PTPRK: variants seen among roughly 807,000 people sequenced by gnomAD.
The protein encoded by PTPRK is protein tyrosine phosphatase receptor type K, also known as receptor-type tyrosine-protein phosphatase kappa.
In PTPRK, 75 loss-of-function variants were observed where a neutral mutation model predicts 178.0. The ratio of observed to expected loss-of-function variants is 0.42; its 90% CI spans 0.35 to 0.51. The LOEUF (loss-of-function observed/expected upper bound fraction) is 0.51. Ranked by LOEUF, PTPRK falls within the 20% of genes least tolerant of loss-of-function variation. PTPRK has a pLI of 0.02. For missense variants in PTPRK, 1,441 were observed against 1,797.8 expected (o/e 0.80, Z 3.59); for synonymous variants, 637 against 620.6 (o/e 1.03, Z -0.39).
intron 1 of PTPRK, among the ~76,000 whole-genome samples, chr6:128,419,717 G>A (rs1483899441): frequency 1.3e-5 from 2 of 152,222 alleles, no homozygotes; most frequent in Non-Finnish European, 2.9e-5. Context: ...TAATCTTGCT[G>A]TTCTGGGAAC....
intron 2 of PTPRK, among the ~76,000 whole-genome samples, chr6:128,327,747 A>G (rs1435934979): frequency 6.6e-6 from 1 of 152,236 alleles, no homozygotes; most frequent in African/African-American, 2.4e-5. Context: ...ATGTAATATA[A>G]AGAATTACTA....
rs776953777 is a variant in PTPRK, at chr6:128,519,149, G to A, written c.100+1110C>T. On this transcript the variant is annotated intron_variant, in intron 1 of 29. Coordinates refer to ENST00000368226, the MANE Select transcript of PTPRK (RefSeq NM_002844.4). The surrounding 1 kb of genome is among the most constrained non-coding windows in gnomAD (Gnocchi z 4.3). Reference sequence around the variant, plus strand: ...CTCGCCAGCCAAGCGAAGCTGGGTAGGTTGGCCAGAAAAGTTGTCAGGACT... The same window carrying A: ...CTCGCCAGCCAAGCGAAGCTGGGTAAGTTGGCCAGAAAAGTTGTCAGGACT... The A allele has an allele frequency of 2.0e-6, 1 of 497,774 alleles. No individual in the cohort carries two copies. Among genetic ancestry groups the A allele is most frequent in the Non-Finnish European group, 4.1e-6 (1 of 241,850 alleles). The allele number at this position is 497,774 out of a possible 1,614,324, so 30.8% of individuals were successfully genotyped here. A position where few individuals can be genotyped will look rare whatever the true frequency, so the allele number is the denominator to read the frequency against.
At chr6:128,116,982 T>C (rs549441500) in intron 7 of PTPRK, among the ~76,000 whole-genome samples, 196 of 151,986 alleles carry the variant, frequency 1.3e-3, no homozygotes, top group African/African-American at 4.0e-3. Flanking sequence ...CTGTCTCTAC[T>C]AAAAATACAA....
chr6:128,040,938 C>T (rs528965007), intron 13 of PTPRK, among the ~76,000 whole-genome samples: 4 of 152,172 alleles, frequency 2.6e-5, no homozygotes, highest in South Asian at 2.1e-4. Context: ...GTGTCAAAAA[C>T]AGGAGGTGGC....
At chr6:128,488,628 T>C (rs1853315906) in intron 1 of PTPRK, among the ~76,000 whole-genome samples, 1 of 152,214 alleles carries the variant, frequency 6.6e-6, no homozygotes, top group Admixed American at 6.5e-5. Context: ...TCTTGTTGAA[T>C]ATGCTGGATA....
In PTPRK at chr6:128,234,705, A is replaced by G. The variant is rs73590686; in HGVS notation, c.693+5330T>C. Among the ~76,000 whole-genome samples, 249 of 152,230 alleles carry G rather than the reference A, an allele frequency of 1.6e-3. 1 individual carries two copies. The highest frequency in any genetic ancestry group is 6.8e-3 in the Middle Eastern group (2 of 292). On this transcript the variant is annotated intron_variant, in intron 5 of 29. Coordinates refer to ENST00000368226, the MANE Select transcript of PTPRK (RefSeq NM_002844.4). Reference sequence around the variant, plus strand: ...ATTCCATTGTTTGAATGAGCCACAAATTGTCTATCTATTATCCTGTTCATG... The same window carrying G: ...ATTCCATTGTTTGAATGAGCCACAAGTTGTCTATCTATTATCCTGTTCATG...
intron 13 of PTPRK, among the ~76,000 whole-genome samples, chr6:128,051,282 T>A (rs1378471095): frequency 6.6e-6 from 1 of 152,218 alleles, no homozygotes; most frequent in African/African-American, 2.4e-5. Context: ...TGCTTAATAA[T>A]TCTTTCCTAA....
intron 6 of PTPRK, among the ~76,000 whole-genome samples, chr6:128,195,420 A>C (rs900130963): frequency 3.3e-5 from 5 of 152,082 alleles, no homozygotes; most frequent in Non-Finnish European, 7.4e-5. Context: ...GACCTGCAAT[A>C]AATCAGGAGA....
chr6:128,518,639 C>T (rs1378826837), intron 1 of PTPRK, among the ~76,000 whole-genome samples: 6 of 152,226 alleles, frequency 3.9e-5, no homozygotes. Flanking sequence ...TAATGAGTTA[C>T]ATCAAGCACG....
intron 2 of PTPRK, among the ~76,000 whole-genome samples, chr6:128,324,074 C>T (rs1258761104): frequency 6.6e-6 from 1 of 152,076 alleles, no homozygotes; most frequent in African/African-American, 2.4e-5. Flanking sequence ...TCATTCCTTT[C>T]AACGAGGACC....
chr6:128,362,759 T>G (rs757463982), intron 2 of PTPRK, among the ~76,000 whole-genome samples: 3 of 152,104 alleles, frequency 2.0e-5, no homozygotes, highest in African/African-American at 7.2e-5. Flanking sequence ...TAAAATAGCA[T>G]TGGTGAATGG....
At position 128,422,181 on chromosome 6, in the gene PTPRK, G is replaced by A. The variant is rs548480536; in HGVS notation, c.101-24493C>T. ...GCATGTTATTTTTGTTGTTATTTCC[G>A]GAATGAATTTAATATTTTAGTTTCT... On this transcript the variant is annotated intron_variant, in intron 1 of 29. Transcript: ENST00000368226. Among the ~76,000 whole-genome samples, 73 of 152,110 alleles carry A rather than the reference G, an allele frequency of 4.8e-4. 1 individual carries two copies. The South Asian group carries it at 0.012, about 25-fold the overall frequency.
intron 3 of PTPRK, among the ~76,000 whole-genome samples, chr6:128,313,568 A>C (rs1486592436): frequency 6.6e-6 from 1 of 152,122 alleles, no homozygotes; most frequent in African/African-American, 2.4e-5. Context: ...AAACAAAGCC[A>C]TTTCAGGACA....
intron 2 of PTPRK, among the ~76,000 whole-genome samples, chr6:128,352,253 C>CAAAAA (rs10665459): frequency 4.2e-5 from 4 of 94,922 alleles, no homozygotes; most frequent in East Asian, 3.3e-4. Context: ...GACTTCATCT[C>CAAAAA]AAAAAAAAAA....
At chr6:128,195,389 A>C (rs1473705216) in intron 6 of PTPRK, among the ~76,000 whole-genome samples, 1 of 152,022 alleles carries the variant, frequency 6.6e-6, no homozygotes, top group Non-Finnish European at 1.5e-5. Flanking sequence ...ACTGATGACC[A>C]TTTTAAAATG....
At chr6:128,138,219 G>A (rs1795287139) in intron 7 of PTPRK, among the ~76,000 whole-genome samples, 1 of 152,072 alleles carries the variant, frequency 6.6e-6, no homozygotes, top group Non-Finnish European at 1.5e-5. Context: ...TATAAATACT[G>A]GAGAATGGTC....
chr6:128,036,570 G>C (rs575534862), intron 13 of PTPRK, among the ~76,000 whole-genome samples: 1 of 152,058 alleles, frequency 6.6e-6, no homozygotes, highest in Non-Finnish European at 1.5e-5. Context: ...CCATTCTTCA[G>C]TCTATGTTTA....
chr6:127,975,877 T>TG (rs138300818), intron 27 of PTPRK, among the ~76,000 whole-genome samples: 28,092 of 151,946 alleles, frequency 0.18, 3,069 homozygotes, highest in African/African-American at 0.31. Flanking sequence ...TTCACCACGT[T>TG]GCCAGGCTGG....
At chr6:128,507,698 C>A (rs1229995689) in intron 1 of PTPRK, among the ~76,000 whole-genome samples, 1 of 152,132 alleles carries the variant, frequency 6.6e-6, no homozygotes, top group African/African-American at 2.4e-5. Context: ...CAGGTCAGAG[C>A]AAACAGGATT....
Sources: allele counts gnomAD v4.1 joint callset (sites outside exome capture counted in the v4.1 genomes callset), GRCh38; gene constraint gnomAD v4.1.1; non-coding constraint Gnocchi (gnomAD v3.1); transcripts MANE v1.5; gene names NCBI Gene and HGNC (gene_info 2026-07-23, HGNC 2026-07-21).